The following PPP2CA variants were observed in gnomAD, a reference collection of about 807,000 sequenced individuals.
PPP2CA encodes the protein protein phosphatase 2 catalytic subunit alpha, also known as serine/threonine-protein phosphatase 2A catalytic subunit alpha isoform.
Under a neutral mutation model 38.8 loss-of-function variants are expected in PPP2CA, and 5 were observed. The ratio of observed to expected loss-of-function variants is 0.13; its 90% CI spans 0.07 to 0.27. The LOEUF is 0.27. Ranked by LOEUF, PPP2CA falls within the 10% of genes least tolerant of loss-of-function variation. The probability of loss-of-function intolerance (pLI) is 1.00; values close to 1 mark genes in which losing one functional copy is unlikely to be tolerated. For synonymous variants in PPP2CA, 152 were observed against 134.0 expected (o/e 1.13, Z -0.93); for missense variants, 88 against 389.7 (o/e 0.23, Z 6.52).
intron 1 of PPP2CA, among the ~76,000 whole-genome samples, chr5:134,215,607 T>A (rs1292220810): frequency 6.6e-6 from 1 of 151,664 alleles, no homozygotes; most frequent in Non-Finnish European, 1.5e-5. Flanking sequence ...AATAAAAAAG[T>A]AAAAATTTTG....
At position 134,195,210 on chromosome 5, in the gene PPP2CA, A is replaced by AT. The variant is rs1761823014; in HGVS notation, c.*2561dup. 1 of 152,230 alleles carries AT rather than the reference A, an allele frequency of 6.6e-6. No individual in the cohort carries two copies. The highest frequency in any genetic ancestry group is 6.5e-5 in the Admixed American group (1 of 15,280). The allele number at this position is 152,230 out of a possible 1,614,324, so 9.4% of individuals were successfully genotyped here. ...TACAAATTCATTGTAAACTTACAAA[A>AT]TAAGTTTCAAAATTTCTGCAAGCCC... On this transcript the variant is annotated 3_prime_UTR_variant, in exon 7 of 7. Coordinates refer to ENST00000481195, the MANE Select transcript of PPP2CA (RefSeq NM_002715.4).
chr5:134,222,220 A>G (rs1762461605), intron 1 of PPP2CA, among the ~76,000 whole-genome samples: 1 of 152,158 alleles, frequency 6.6e-6, no homozygotes, highest in Non-Finnish European at 1.5e-5. Flanking sequence ...ATCTTATAAA[A>G]GTATGATAAA....
intron 2 of PPP2CA, 154 bp from the exon 3 acceptor site, chr5:134,202,175 G>T: frequency 1.4e-6 from 1 of 707,790 alleles, no homozygotes; most frequent in Non-Finnish European, 2.2e-6. Flanking sequence ...CAGCTCTACA[G>T]AATTTTTAAA....
intron 2 of PPP2CA, among the ~76,000 whole-genome samples, chr5:134,204,391 A>T (rs1181325844): frequency 2.1e-4 from 32 of 152,256 alleles, no homozygotes; most frequent in Non-Finnish European, 1.5e-5. Flanking sequence ...TACACTTTGC[A>T]AAGCTACAAT....
Position 134,195,876 on chromosome 5 carries a change from T to C in PPP2CA, c.*1896A>G, listed in dbSNP as rs1459984819. On this transcript the variant is annotated 3_prime_UTR_variant, in exon 7 of 7. Transcript: ENST00000481195. ...ATTTAGAGAATTTGTACCTGGAAGA[T>C]ACCACCACGTGTCAATTACAATATA... is the stretch of plus-strand genomic sequence containing the variant. The C allele has an allele frequency of 3.3e-5, 5 of 152,236 alleles. No individual in the cohort carries two copies. The highest frequency in any genetic ancestry group is 2.6e-4 in the Admixed American group (4 of 15,278). 9.4% of individuals were successfully genotyped at this position (152,236 alleles called of 1,614,324 possible).
In PPP2CA at chr5:134,226,005, G is replaced by A. The variant is rs1472411835; in HGVS notation, c.-144C>T. On this transcript the variant is annotated 5_prime_UTR_variant, in exon 1 of 7. Transcript: ENST00000481195. ...TGGCGCTGGCCCGCTGGCTCTCACCGCAGTACTCGGCCGTCGGCCGCTGCG... is the reference window on the plus strand; with the variant it reads ...TGGCGCTGGCCCGCTGGCTCTCACCACAGTACTCGGCCGTCGGCCGCTGCG... 16 of 640,300 alleles carry A rather than the reference G, an allele frequency of 2.5e-5. No individual in the cohort carries two copies. The highest frequency in any genetic ancestry group is 4.0e-5 in the South Asian group (2 of 49,662). 39.7% of individuals were successfully genotyped at this position (640,300 alleles called of 1,614,324 possible). A position where few individuals can be genotyped will look rare whatever the true frequency, so the allele number is the denominator to read the frequency against.
chr5:134,205,697 A>T, intron 2 of PPP2CA: 1 of 464,592 alleles, frequency 2.2e-6, no homozygotes, highest in South Asian at 2.2e-5. Context: ...TTTTCAAACA[A>T]TCTGACTGAG....
chr5:134,205,903 A>G lies in PPP2CA; in HGVS notation c.312+19T>C. The G allele has an allele frequency of 1.9e-6, 3 of 1,600,020 alleles. No individual in the cohort carries two copies. Among genetic ancestry groups the G allele is most frequent in the Non-Finnish European group, 2.6e-6 (3 of 1,167,442 alleles). On this transcript the variant is annotated intron_variant, in intron 2 of 6. Coordinates refer to ENST00000481195, the MANE Select transcript of PPP2CA (RefSeq NM_002715.4). ...TGTCTTACCCATTTCAACATGCCCC[A>G]ACATAAAATTGAAATTACCTTAAGA...
At chr5:134,198,851 C>T (rs1761914984) in intron 6 of PPP2CA, among the ~76,000 whole-genome samples, 2 of 152,168 alleles carry the variant, frequency 1.3e-5, no homozygotes, top group South Asian at 2.1e-4. Flanking sequence ...CATGAGCCAC[C>T]GCGCCTGGCC....
At chr5:134,208,017 G>GT (rs1010049505) in intron 1 of PPP2CA, among the ~76,000 whole-genome samples, 20 of 152,082 alleles carry the variant, frequency 1.3e-4, no homozygotes, top group East Asian at 1.9e-4. Context: ...CACATCTAGT[G>GT]TTTTTTTAAC....
chr5:134,199,882 A>C (rs1021423849), intron 5 of PPP2CA, among the ~76,000 whole-genome samples: 1 of 152,130 alleles, frequency 6.6e-6, no homozygotes, highest in African/African-American at 2.4e-5. Context: ...AAAATATTCT[A>C]ATCAGTGTGC....
At chr5:134,203,275 G>A (rs1425997934) in intron 2 of PPP2CA, among the ~76,000 whole-genome samples, 4 of 152,048 alleles carry the variant, frequency 2.6e-5, no homozygotes, top group African/African-American at 9.7e-5. Flanking sequence ...AAGTTTTGTA[G>A]CTTTAGCTCT....
At chr5:134,223,221 A>G (rs1379792015) in intron 1 of PPP2CA, among the ~76,000 whole-genome samples, 3 of 152,152 alleles carry the variant, frequency 2.0e-5, no homozygotes, top group Admixed American at 2.0e-4. Flanking sequence ...TTAGCCCTCA[A>G]ATTTTCAAAA....
At chr5:134,207,959 C>T (rs1003472592) in intron 1 of PPP2CA, among the ~76,000 whole-genome samples, 1 of 152,136 alleles carries the variant, frequency 6.6e-6, no homozygotes, top group African/African-American at 2.4e-5. Flanking sequence ...CTAAAAAACA[C>T]AAATTCACTA....
At position 134,200,511 on chromosome 5, in the gene PPP2CA, C is replaced by CA; in HGVS notation, c.577-16dup. ...CACATTGGACCCTAAAAAATAACTT[C>CA]AAGTTATAAAATGCCTTTTACAAAC... On this transcript the variant is annotated splice_polypyrimidine_tract_variant and intron_variant, in intron 4 of 6. Coordinates refer to ENST00000481195, the MANE Select transcript of PPP2CA (RefSeq NM_002715.4). 2 of 1,607,918 alleles carry CA rather than the reference C, an allele frequency of 1.2e-6. No individual in the cohort carries two copies. Among genetic ancestry groups the CA allele is most frequent in the South Asian group, 2.2e-5 (2 of 89,956 alleles).
intron 1 of PPP2CA, among the ~76,000 whole-genome samples, chr5:134,220,584 G>T (rs563329985): frequency 1.3e-5 from 2 of 151,156 alleles, no homozygotes; most frequent in East Asian, 2.0e-4. Flanking sequence ...TGATAATGAA[G>T]TAAGAGAAAT....
chr5:134,205,900 C>T (rs747951699), intron 2 of PPP2CA, 22 bp downstream of exon 2: 4 of 1,595,654 alleles, frequency 2.5e-6, no homozygotes, highest in African/African-American at 1.3e-5. Flanking sequence ...TTCAACATGC[C>T]CCAACATAAA....
At chr5:134,211,959 A>T (rs1022611036) in intron 1 of PPP2CA, among the ~76,000 whole-genome samples, 8 of 152,070 alleles carry the variant, frequency 5.3e-5, no homozygotes, top group African/African-American at 1.9e-4. Context: ...CTGTACTAAA[A>T]ATACAAAAAA....
At chr5:134,206,372 T>A (rs1255010238) in intron 1 of PPP2CA, among the ~76,000 whole-genome samples, 2 of 152,196 alleles carry the variant, frequency 1.3e-5, no homozygotes, top group African/African-American at 4.8e-5. Flanking sequence ...TAAAAACCTA[T>A]CAAATAGCCA....
Sources: gnomAD v4.1 joint callset for allele counts (sites outside exome capture counted in the v4.1 genomes callset) on GRCh38, gnomAD v4.1.1 for gene constraint, MANE v1.5 for transcripts, NCBI Gene and HGNC (gene_info 2026-07-23, HGNC 2026-07-21) for gene names.